Variants in PKNOX2 observed in about 807,000 individuals in gnomAD.
The protein encoded by PKNOX2 is PBX/knotted 1 homeobox 2.
PKNOX2 carries 14 observed loss-of-function variants against 53.1 expected under a neutral mutation model. That is an observed-to-expected ratio of 0.26 (90% CI 0.17 to 0.41). The LOEUF is 0.41. Among genes scored for constraint, PKNOX2 ranks in the 10% least tolerant of loss-of-function variants. The pLI is 1.00. For synonymous variants in PKNOX2, 257 were observed against 242.8 expected, an observed-to-expected ratio of 1.06 and a Z score of -0.54; for missense variants, 496 against 602.8, an observed-to-expected ratio of 0.82 and a Z score of 1.85.
intron 4 of PKNOX2, among the ~76,000 whole-genome samples, chr11:125,360,191 A>G (rs1450866146): frequency 6.6e-6 from 1 of 151,180 alleles, no homozygotes; most frequent in Non-Finnish European, 1.5e-5. Flanking sequence ...GTCTGTGCTG[A>G]GAAGGTGAAG....
At chr11:125,199,004 C>A (rs1201252031) in intron 1 of PKNOX2, among the ~76,000 whole-genome samples, 1 of 152,042 alleles carries the variant, frequency 6.6e-6, no homozygotes, top group Non-Finnish European at 1.5e-5. Context: ...CTATGCCTGG[C>A]TAATTTTTGC....
At chr11:125,216,065 AAAG>A (rs1940464219) in intron 1 of PKNOX2, among the ~76,000 whole-genome samples, 1 of 152,242 alleles carries the variant, frequency 6.6e-6, no homozygotes, top group Admixed American at 6.5e-5. Flanking sequence ...CAAAAGCTTT[AAAG>A]AATGCAGAAG....
At chr11:125,390,381 A>G (rs2135411620) in intron 6 of PKNOX2, among the ~76,000 whole-genome samples, 1 of 152,290 alleles carries the variant, frequency 6.6e-6, no homozygotes, top group South Asian at 2.1e-4. Flanking sequence ...GCAGCTCTGG[A>G]GCTAATATCT....
intron 2 of PKNOX2, among the ~76,000 whole-genome samples, chr11:125,270,484 G>A (rs924311778): frequency 3.3e-5 from 5 of 152,180 alleles, no homozygotes; most frequent in African/African-American, 1.2e-4. Context: ...TCCCCCTATT[G>A]AATATCTTCT....
chr11:125,222,629 G>GTGTATGTGTGTGCGTATGTGTGTGC (rs1565472833), intron 1 of PKNOX2, among the ~76,000 whole-genome samples: 7 of 149,568 alleles, frequency 4.7e-5, no homozygotes, highest in Non-Finnish European at 3.0e-5. Context: ...GTGTATGTGT[G>GTGTATGTGTGTGCGTATGTGTGTGC]TGTGTATGTG....
chr11:125,345,937 G>A (rs920479492), intron 3 of PKNOX2, among the ~76,000 whole-genome samples: 1 of 152,152 alleles, frequency 6.6e-6, no homozygotes, highest in Admixed American at 6.6e-5. Flanking sequence ...CCACCTACAG[G>A]CCACTTCTGG....
intron 4 of PKNOX2, among the ~76,000 whole-genome samples, chr11:125,360,397 C>T (rs150461137): frequency 5.3e-5 from 8 of 152,222 alleles, no homozygotes; most frequent in African/African-American, 1.4e-4. Flanking sequence ...CCAAGGTTTG[C>T]GGGGCATCTG....
intron 2 of PKNOX2, among the ~76,000 whole-genome samples, chr11:125,323,786 C>A (rs1321086555): frequency 1.3e-5 from 2 of 152,062 alleles, no homozygotes; most frequent in African/African-American, 4.8e-5. Context: ...CTTCTGGCTG[C>A]TTACTGTGTG....
chr11:125,244,641 T>C (rs1943424451), intron 2 of PKNOX2, among the ~76,000 whole-genome samples: 1 of 152,180 alleles, frequency 6.6e-6, no homozygotes, highest in Non-Finnish European at 1.5e-5. Context: ...CTGAACCTAT[T>C]TGTGAGTGTT....
intron 2 of PKNOX2, among the ~76,000 whole-genome samples, chr11:125,305,612 T>C (rs899845339): frequency 3.3e-5 from 5 of 152,168 alleles, no homozygotes; most frequent in African/African-American, 1.2e-4. Flanking sequence ...CACATTTTAA[T>C]GTGCTCAAAG....
intron 2 of PKNOX2, among the ~76,000 whole-genome samples, chr11:125,243,882 A>C (rs923168368): frequency 3.3e-5 from 5 of 152,152 alleles, no homozygotes; most frequent in Non-Finnish European, 7.4e-5. Flanking sequence ...TTGGCCTCCC[A>C]AAGTGCTGGG....
intron 2 of PKNOX2, among the ~76,000 whole-genome samples, chr11:125,283,556 C>G (rs971849772): frequency 8.5e-5 from 13 of 152,208 alleles, no homozygotes; most frequent in African/African-American, 3.1e-4. Flanking sequence ...CTCTTAGGGA[C>G]AGTGGCAGGG....
At chr11:125,399,550 A>G (rs1954612198) in intron 7 of PKNOX2, among the ~76,000 whole-genome samples, 1 of 152,248 alleles carries the variant, frequency 6.6e-6, no homozygotes, top group African/African-American at 2.4e-5. Flanking sequence ...CATGAAAATA[A>G]TAAGTGAGGA....
intron 10 of PKNOX2, among the ~76,000 whole-genome samples, chr11:125,425,348 C>T (rs893454054): frequency 7.9e-5 from 12 of 152,236 alleles, no homozygotes; most frequent in African/African-American, 2.7e-4. Context: ...CCTGAGAAGG[C>T]TCTGTCATCT....
intron 2 of PKNOX2, among the ~76,000 whole-genome samples, chr11:125,305,015 A>G (rs1431499830): frequency 6.6e-6 from 1 of 152,216 alleles, no homozygotes; most frequent in Non-Finnish European, 1.5e-5. Flanking sequence ...GTATCTAAAA[A>G]GCATGTTCAA....
chr11:125,305,582 G>A (rs911278098), intron 2 of PKNOX2, among the ~76,000 whole-genome samples: 1 of 152,154 alleles, frequency 6.6e-6, no homozygotes, highest in East Asian at 1.9e-4. Context: ...GCCACTCAGC[G>A]CACGGCACCC....
chr11:125,404,791 C>A (rs1954975554), intron 7 of PKNOX2, among the ~76,000 whole-genome samples: 1 of 152,200 alleles, frequency 6.6e-6, no homozygotes. Context: ...AGCCTGCCAC[C>A]AAGCTAGGGA....
At chr11:125,272,302 C>G (rs552069685) in intron 2 of PKNOX2, among the ~76,000 whole-genome samples, 1 of 152,188 alleles carries the variant, frequency 6.6e-6, no homozygotes, top group African/African-American at 2.4e-5. Context: ...GAATGTCTGG[C>G]TCTCGATGAA....
chr11:125,430,989 G>A lies in PKNOX2; in HGVS notation c.1193-177G>A, dbSNP rs553390442. Among the ~76,000 whole-genome samples the A allele has an allele frequency of 2.0e-5, 3 of 152,356 alleles. No homozygotes were observed. In the South Asian group the frequency reaches 6.2e-4, roughly 32 times the overall value. ...TCCTGAGATGGGGCAGGGAGTAGCT[G>A]ACTAGTGAATGGATGGGAGACTTCA... On this transcript the variant is annotated intron_variant, in intron 12 of 12. Transcript: ENST00000298282.
Sources: gnomAD v4.1 joint callset for allele counts (sites outside exome capture counted in the v4.1 genomes callset) on GRCh38, gnomAD v4.1.1 for gene constraint, MANE v1.5 for transcripts, NCBI Gene and HGNC (gene_info 2026-07-23, HGNC 2026-07-21) for gene names.